Variants in PPP2R2C observed in about 807,000 individuals in gnomAD.
PPP2R2C encodes the protein protein phosphatase 2, regulatory subunit B, gamma.
PPP2R2C carries 10 observed loss-of-function variants against 45.3 expected under a neutral mutation model. The ratio of observed to expected loss-of-function variants is 0.22; its 90% CI spans 0.14 to 0.37. The LOEUF is 0.37. Ranked by LOEUF, PPP2R2C falls within the 10% of genes least tolerant of loss-of-function variation. PPP2R2C has a pLI of 1.00. For synonymous variants in PPP2R2C, 257 were observed against 245.4 expected (o/e 1.05, Z -0.44); for missense variants, 308 against 619.7 (o/e 0.50, Z 5.34).
At chr4:6,427,040 C>A (rs1257453816) in intron 1 of PPP2R2C, among the ~76,000 whole-genome samples, 1 of 152,218 alleles carries the variant, frequency 6.6e-6, no homozygotes, top group Non-Finnish European at 1.5e-5. Context: ...AAGGGGGATG[C>A]TGGTGAACCC....
At chr4:6,562,334 C>A (rs1481263538) in intron 1 of PPP2R2C, among the ~76,000 whole-genome samples, 1 of 152,144 alleles carries the variant, frequency 6.6e-6, no homozygotes, top group Non-Finnish European at 1.5e-5. Flanking sequence ...TGAGCACATG[C>A]CAAAGAGGAC....
chr4:6,511,259 TGCTGATGCTGA>T (rs1723447920), intron 2 of PPP2R2C, among the ~76,000 whole-genome samples: 1 of 130,334 alleles, frequency 7.7e-6, no homozygotes, highest in Admixed American at 7.2e-5. Context: ...CTGATGCTGA[TGCTGATGCTGA>T]TGCTGATGCT....
intron 1 of PPP2R2C, among the ~76,000 whole-genome samples, chr4:6,404,560 G>A (rs751391652): frequency 3.3e-5 from 5 of 152,186 alleles, no homozygotes; most frequent in Non-Finnish European, 7.3e-5. Flanking sequence ...AGGTTTGGAG[G>A]GACGGCCCTA....
intron 1 of PPP2R2C, among the ~76,000 whole-genome samples, chr4:6,410,674 A>G (rs10008136): frequency 0.045 from 6,792 of 151,948 alleles, 520 homozygotes; most frequent in African/African-American, 0.15. Flanking sequence ...CCTGCCTAAT[A>G]TCACAGGGGA....
rs546341737 is a variant in PPP2R2C, at chr4:6,376,085, C to T, written c.335-154G>A. On this transcript the variant is annotated intron_variant, in intron 3 of 8. Coordinates refer to ENST00000382599, the MANE Select transcript of PPP2R2C (RefSeq NM_020416.4). ...TTGGACCAGAACTGCAGCTCTGTCT[C>T]GAGGCCTCCAGCCTTCGGCCTCCCT... Among the ~76,000 whole-genome samples, 9 of 152,362 alleles carry T rather than the reference C, an allele frequency of 5.9e-5. No homozygotes were observed. In the South Asian group the frequency reaches 8.3e-4, roughly 14 times the overall value.
At position 6,401,879 on chromosome 4, in the gene PPP2R2C, A is replaced by G. The variant is rs373745305; in HGVS notation, c.71-20785T>C. 2.4e-3 allele frequency among the ~76,000 whole-genome samples: 367 copies of G among 152,260 alleles called. 1 individual carries two copies. The highest frequency in any genetic ancestry group is 8.5e-3 in the African/African-American group (353 of 41,558). On this transcript the variant is annotated intron_variant, in intron 1 of 8. Transcript: ENST00000382599. The stretch of plus-strand genomic sequence containing the variant: ...GCTACCTGCCGATGCCAGACACTGT[A>G]CTGGATGCCTTCATACCTCACACAA...
intron 5 of PPP2R2C, among the ~76,000 whole-genome samples, chr4:6,351,916 C>G (rs982066676): frequency 6.6e-6 from 1 of 152,180 alleles, no homozygotes. Context: ...GCCTGCAGCC[C>G]AGCCCTTTAC....
chr4:6,382,815 G>T, intron 1 of PPP2R2C: 2 of 1,019,930 alleles, frequency 2.0e-6, no homozygotes, highest in Non-Finnish European at 2.5e-6. Flanking sequence ...TTTCTCCCTG[G>T]CTATGACGTA....
Position 6,447,918 on chromosome 4 carries a change from A to G in PPP2R2C, c.70+24242T>C, listed in dbSNP as rs892962685. On this transcript the variant is annotated intron_variant, in intron 1 of 8. Coordinates refer to ENST00000382599, the MANE Select transcript of PPP2R2C (RefSeq NM_020416.4). ...CAGTGAGAATCGTATGCATCTGCCT[A>G]ATCACCCTAAATGTGATAGGAAGTT... Among the ~76,000 whole-genome samples the G allele has an allele frequency of 5.9e-5, 9 of 152,146 alleles. 1 individual carries two copies. Among genetic ancestry groups the G allele is most frequent in the Admixed American group, 5.9e-4 (9 of 15,288 alleles).
chr4:6,538,582 A>G (rs958980039), intron 1 of PPP2R2C, among the ~76,000 whole-genome samples: 7 of 152,254 alleles, frequency 4.6e-5, no homozygotes, highest in Non-Finnish European at 7.3e-5. Flanking sequence ...CCAAACGCCA[A>G]TAACACGGCA....
chr4:6,460,939 A>T (rs1267823580), intron 1 of PPP2R2C, among the ~76,000 whole-genome samples: 1 of 151,916 alleles, frequency 6.6e-6, no homozygotes, highest in African/African-American at 2.4e-5. Context: ...ATCCCGCTCC[A>T]GCTCCTCTCC....
intron 2 of PPP2R2C, among the ~76,000 whole-genome samples, chr4:6,518,922 TAAAAAAAAAAAAAAAAAAAAAA>T (rs56002128): frequency 0.023 from 2,096 of 93,062 alleles, 73 homozygotes; most frequent in Middle Eastern, 0.089. Context: ...GACTCTGTCT[TAAAAAAAAAAAAAAAAAAAAAA>T]AAAAAAAAAG....
chr4:6,455,707 C>A (rs755530567), intron 1 of PPP2R2C, among the ~76,000 whole-genome samples: 1 of 152,206 alleles, frequency 6.6e-6, no homozygotes, highest in Non-Finnish European at 1.5e-5. Context: ...TCTCCCTCCC[C>A]TGCCTGGACA....
intron 2 of PPP2R2C, among the ~76,000 whole-genome samples, chr4:6,487,524 T>C (rs62286082): frequency 0.13 from 19,634 of 152,086 alleles, 1,450 homozygotes; most frequent in Non-Finnish European, 0.17. Flanking sequence ...GAGGATATTG[T>C]TCCACTGCAT....
At chr4:6,336,569 G>T in intron 6 of PPP2R2C, among the ~76,000 whole-genome samples, 1 of 151,350 alleles carries the variant, frequency 6.6e-6, no homozygotes, top group Admixed American at 6.6e-5. Flanking sequence ...AGGGCCGCAG[G>T]CAGCAAAGAT....
At chr4:6,425,351 T>A (rs1409008958) in intron 1 of PPP2R2C, among the ~76,000 whole-genome samples, 1 of 152,240 alleles carries the variant, frequency 6.6e-6, no homozygotes, top group Non-Finnish European at 1.5e-5. Context: ...CTGTGTGTCC[T>A]GGGCACCTGC....
At chr4:6,438,814 G>T (rs1382959763) in intron 1 of PPP2R2C, among the ~76,000 whole-genome samples, 2 of 152,202 alleles carry the variant, frequency 1.3e-5, no homozygotes, top group Non-Finnish European at 2.9e-5. Flanking sequence ...GGCCTGATTT[G>T]CTGGTTTTCC....
At position 6,378,590 on chromosome 4, in the gene PPP2R2C, G is replaced by A. The variant is rs201102718; in HGVS notation, c.169-18C>T. The A allele has an allele frequency of 1.3e-4, 204 of 1,607,534 alleles. 1 individual carries two copies. The African/African-American group carries it at 2.6e-3, about 20-fold the overall frequency. On this transcript the variant is annotated intron_variant, in intron 2 of 8. Transcript: ENST00000382599. This position sits in a 1 kb window ranked among gnomAD's most constrained non-coding sequence, Gnocchi z 5.2. Reference sequence around the variant, plus strand: ...TTTTTACTCTGCAGGGAAACCCGGAGAAGGGGCCTGAGCACCGTGACCTGC... The same window carrying A: ...TTTTTACTCTGCAGGGAAACCCGGAAAAGGGGCCTGAGCACCGTGACCTGC...
intron 1 of PPP2R2C, among the ~76,000 whole-genome samples, chr4:6,548,225 A>AAAGAAGAAG (rs60462800): frequency 7.3e-5 from 11 of 151,006 alleles, no homozygotes; most frequent in Non-Finnish European, 1.3e-4. Flanking sequence ...CTTAAAAGAA[A>AAAGAAGAAG]AAGAAGAAGA....
Sources: allele counts gnomAD v4.1 joint callset (sites outside exome capture counted in the v4.1 genomes callset), GRCh38; gene constraint gnomAD v4.1.1; non-coding constraint Gnocchi (gnomAD v3.1); transcripts MANE v1.5; gene names NCBI Gene and HGNC (gene_info 2026-07-23, HGNC 2026-07-21).